Variants in C10orf67 observed in about 807,000 individuals in gnomAD.
The protein encoded by C10orf67 is uncharacterized protein C10orf67, mitochondrial.
A neutral mutation model predicts 35.6 loss-of-function variants in C10orf67; 60 were observed. The observed-to-expected ratio is 1.68, with a 90% CI of 1.37 to 2.09. The LOEUF is 2.09. C10orf67 is among the 30% of genes most tolerant of loss of function. The probability of loss-of-function intolerance (pLI) is 0.00; values close to 1 mark genes in which losing one functional copy is unlikely to be tolerated. For missense variants in C10orf67, 474 were observed against 330.2 expected, an observed-to-expected ratio of 1.44 and a Z score of -3.38; for synonymous variants, 167 against 115.8, an observed-to-expected ratio of 1.44 and a Z score of -2.84.
At chr10:23,261,013 C>T (rs1364330386) in intron 10 of C10orf67, among the ~76,000 whole-genome samples, 3 of 152,178 alleles carry the variant, frequency 2.0e-5, no homozygotes, top group Non-Finnish European at 4.4e-5. Flanking sequence ...ACCAGAATCA[C>T]ACTCGAGGTT....
intron 13 of C10orf67, among the ~76,000 whole-genome samples, chr10:23,235,012 C>CAAAAAAAAAAAAAAAAAAAAAAGCAAA (rs57049730): frequency 1.3e-5 from 1 of 76,028 alleles, no homozygotes; most frequent in African/African-American, 4.9e-5. Context: ...AATTCCATCT[C>CAAAAAAAAAAAAAAAAAAAAAAGCAAA]AAAAAAAAAA....
At chr10:23,235,572 T>C (rs1329618941) in intron 13 of C10orf67, among the ~76,000 whole-genome samples, 1 of 151,984 alleles carries the variant, frequency 6.6e-6, no homozygotes, top group African/African-American at 2.4e-5. Context: ...TGGAAAAGAG[T>C]TGTGGAATTT....
At chr10:23,256,174 G>C (rs1013856498) in intron 10 of C10orf67, among the ~76,000 whole-genome samples, 2 of 151,874 alleles carry the variant, frequency 1.3e-5, no homozygotes, top group Non-Finnish European at 2.9e-5. Flanking sequence ...GCTAATTTTC[G>C]TATTTTTTTT....
chr10:23,249,753 T>G (rs1842402631), intron 12 of C10orf67, among the ~76,000 whole-genome samples: 1 of 152,168 alleles, frequency 6.6e-6, no homozygotes, highest in Admixed American at 6.6e-5. Context: ...AGACCAACAT[T>G]AAACCCATCG....
chr10:23,331,231 A>ACC (rs1303244096), intron 2 of C10orf67, among the ~76,000 whole-genome samples: 453 of 10,254 alleles, frequency 0.044, 16 homozygotes, highest in East Asian at 0.19. Context: ...GGAAGGGAGG[A>ACC]GGGAAGGGAA....
At chr10:23,260,002 A>T (rs948536583) in intron 10 of C10orf67, among the ~76,000 whole-genome samples, 1 of 152,312 alleles carries the variant, frequency 6.6e-6, no homozygotes, top group Admixed American at 6.5e-5. Context: ...GGAGTTAATA[A>T]AAGATATCAA....
chr10:23,303,012 T>A (rs879398887), intron 5 of C10orf67, among the ~76,000 whole-genome samples: 3 of 152,234 alleles, frequency 2.0e-5, no homozygotes, highest in Admixed American at 6.5e-5. Context: ...ACTCCCACAC[T>A]CTTCTAGAGT....
chr10:23,221,243 A>G (rs1263794913), intron 15 of C10orf67, among the ~76,000 whole-genome samples: 1 of 152,142 alleles, frequency 6.6e-6, no homozygotes, highest in Non-Finnish European at 1.5e-5. Flanking sequence ...CGAGAGAGAG[A>G]GACAGCGAAG....
At chr10:23,266,143 C>T (rs561580016) in intron 10 of C10orf67, 119 bp downstream of exon 10, 13 of 370,660 alleles carry the variant, frequency 3.5e-5, no homozygotes, top group African/African-American at 2.4e-4. Flanking sequence ...TGGAGCCCCC[C>T]ACTCAGGGGG....
chr10:23,235,798 A>G (rs1842031009), intron 13 of C10orf67, among the ~76,000 whole-genome samples: 1 of 152,230 alleles, frequency 6.6e-6, no homozygotes, highest in Admixed American at 6.5e-5. Flanking sequence ...GTGAGATAAC[A>G]TTTTAAAATA....
chr10:23,332,113 A>C (rs2132390035), intron 2 of C10orf67, among the ~76,000 whole-genome samples: 1 of 152,360 alleles, frequency 6.6e-6, no homozygotes, highest in East Asian at 1.9e-4. Flanking sequence ...GAGTATGTGC[A>C]GGATTATTCA....
At chr10:23,246,791 A>G (rs895050832) in intron 12 of C10orf67, among the ~76,000 whole-genome samples, 1 of 152,234 alleles carries the variant, frequency 6.6e-6, no homozygotes, top group African/African-American at 2.4e-5. Flanking sequence ...AAAAACACAG[A>G]CAAAAGCTTA....
chr10:23,316,946 T>G (rs961223763), intron 4 of C10orf67: 6 of 152,294 alleles, frequency 3.9e-5, no homozygotes. Flanking sequence ...CACTCCAGTC[T>G]GTGGAACTGG....
intron 4 of C10orf67, among the ~76,000 whole-genome samples, chr10:23,315,028 G>C (rs1844648310): frequency 1.3e-5 from 2 of 152,156 alleles, no homozygotes; most frequent in Admixed American, 6.6e-5. Context: ...ATAGCACTTC[G>C]TTTTATTTTC....
chr10:23,218,436 C>T (rs1478139607), intron 15 of C10orf67, among the ~76,000 whole-genome samples: 1 of 151,670 alleles, frequency 6.6e-6, no homozygotes, highest in Non-Finnish European at 1.5e-5. Context: ...GTGTGAGCCA[C>T]CACTCCCAGC....
intron 9 of C10orf67, 104 bp downstream of exon 9, chr10:23,267,091 G>C (rs1017118225): frequency 1.6e-6 from 1 of 606,834 alleles, no homozygotes; most frequent in Non-Finnish European, 2.9e-6. Flanking sequence ...AGGTTGGAAA[G>C]TGAAAAACCT....
intron 7 of C10orf67, among the ~76,000 whole-genome samples, chr10:23,284,588 G>T (rs1843475029): frequency 6.6e-6 from 1 of 151,984 alleles, no homozygotes; most frequent in Admixed American, 6.6e-5. Flanking sequence ...CTACTCAGGA[G>T]ATTGAGGTGG....
chr10:23,213,328 T>C (rs1841357983), intron 15 of C10orf67, among the ~76,000 whole-genome samples: 1 of 152,212 alleles, frequency 6.6e-6, no homozygotes, highest in Non-Finnish European at 1.5e-5. Context: ...GAGAGATTTC[T>C]AGAAGTAAAG....
chr10:23,341,025 G>GA (rs1270337010), intron 1 of C10orf67, among the ~76,000 whole-genome samples: 8 of 152,288 alleles, frequency 5.3e-5, no homozygotes, highest in Non-Finnish European at 1.2e-4. Context: ...AACTTTCACT[G>GA]TGGCATATTT....
Sources: allele counts gnomAD v4.1 joint callset (sites outside exome capture counted in the v4.1 genomes callset), GRCh38; gene constraint gnomAD v4.1.1; transcripts MANE v1.5; gene names NCBI Gene and HGNC (gene_info 2026-07-23, HGNC 2026-07-21).